ZC4H2: variants seen among roughly 807,000 people sequenced by gnomAD.
ZC4H2 encodes the protein zinc finger C4H2 domain-containing protein.
For synonymous variants in ZC4H2, 84 were observed against 66.3 expected, an observed-to-expected ratio of 1.27 and a Z score of -1.30; for missense variants, 137 against 173.9, an observed-to-expected ratio of 0.79 and a Z score of 1.19.
At chrX:64,975,198 A>G (rs1393344117) in intron 1 of ZC4H2, among the ~76,000 whole-genome samples, 2 of 109,657 alleles carry the variant, frequency 1.8e-5, no homozygotes, top group Non-Finnish European at 3.8e-5. Flanking sequence ...GAATGAGCAA[A>G]AGTAGGTCAA....
intron 1 of ZC4H2, among the ~76,000 whole-genome samples, chrX:64,924,215 G>A (rs760015341): frequency 1.3e-4 from 15 of 111,788 alleles, no homozygotes; most frequent in Non-Finnish European, 7.5e-5. Flanking sequence ...AGAAGCATGC[G>A]CTTTAGACTC....
intron 1 of ZC4H2, among the ~76,000 whole-genome samples, chrX:65,027,592 T>C (rs1932892399): frequency 9.0e-6 from 1 of 111,101 alleles, no homozygotes; most frequent in Non-Finnish European, 1.9e-5. Context: ...AGGTGACCTT[T>C]ATGTTTTTGG....
intron 1 of ZC4H2, among the ~76,000 whole-genome samples, chrX:64,969,106 T>G (rs1317386820): frequency 1.8e-5 from 2 of 112,246 alleles, no homozygotes; most frequent in Non-Finnish European, 3.8e-5. Context: ...TCTCTCCTCT[T>G]AATACCATCA....
intron 1 of ZC4H2, among the ~76,000 whole-genome samples, chrX:65,011,188 A>C (rs770847231): frequency 5.3e-5 from 6 of 112,239 alleles, no homozygotes; most frequent in African/African-American, 1.9e-4. Context: ...GTTCCTCACT[A>C]TAATTCTATG....
At chrX:65,021,754 A>T (rs1450828442) in intron 1 of ZC4H2, among the ~76,000 whole-genome samples, 2 of 111,350 alleles carry the variant, frequency 1.8e-5, no homozygotes, top group African/African-American at 6.6e-5. Context: ...TTTTGAAAAG[A>T]TTAACAAAAT....
intron 1 of ZC4H2, among the ~76,000 whole-genome samples, chrX:65,023,664 T>C (rs1932853795): frequency 9.0e-6 from 1 of 111,626 alleles, no homozygotes; most frequent in Non-Finnish European, 1.9e-5. Flanking sequence ...GGTGGGAGTG[T>C]AAATTGATTC....
intron 1 of ZC4H2, among the ~76,000 whole-genome samples, chrX:64,955,142 G>C (rs1266254789): frequency 9.0e-6 from 1 of 111,681 alleles, no homozygotes; most frequent in African/African-American, 3.2e-5. Context: ...TCCTAAAATA[G>C]TTTATGAACA....
chrX:64,977,203 A>C (rs987561054), upstream of ZC4H2, among the ~76,000 whole-genome samples: 3 of 111,651 alleles, frequency 2.7e-5, no homozygotes, highest in Non-Finnish European at 5.6e-5. Context: ...ATAAGGTGTA[A>C]CCTGTGCAGA....
intron 1 of ZC4H2, among the ~76,000 whole-genome samples, chrX:64,939,815 A>G (rs1039592091): frequency 8.9e-6 from 1 of 111,871 alleles, no homozygotes; most frequent in Non-Finnish European, 1.9e-5. Context: ...ATAACACCTA[A>G]AATCATAAAA....
At chrX:64,940,163 TGAC>T (rs929635985) in intron 1 of ZC4H2, among the ~76,000 whole-genome samples, 5 of 112,331 alleles carry the variant, frequency 4.5e-5, no homozygotes, top group Non-Finnish European at 9.4e-5. Context: ...TGACCAGTGA[TGAC>T]GAGCTTTTCT....
chrX:64,958,424 T>C (rs769207763), intron 1 of ZC4H2, among the ~76,000 whole-genome samples: 2 of 111,910 alleles, frequency 1.8e-5, no homozygotes, highest in Non-Finnish European at 3.8e-5. Context: ...TATGTACATA[T>C]ATGTGTATAT....
At chrX:65,020,093 A>T (rs1932825617) in intron 1 of ZC4H2, among the ~76,000 whole-genome samples, 2 of 112,172 alleles carry the variant, frequency 1.8e-5, no homozygotes, top group Non-Finnish European at 3.8e-5. Context: ...GGAGAATGGA[A>T]CAAAGTTGGA....
chrX:64,938,957 G>T (rs957216850), intron 1 of ZC4H2, among the ~76,000 whole-genome samples: 1 of 112,009 alleles, frequency 8.9e-6, no homozygotes, highest in Non-Finnish European at 1.9e-5. Context: ...GCAAATGAAA[G>T]AAATAAAGGG....
intron 1 of ZC4H2, among the ~76,000 whole-genome samples, chrX:64,930,528 C>A (rs1929692662): frequency 1.8e-5 from 2 of 111,407 alleles, no homozygotes; most frequent in Admixed American, 1.9e-4. Flanking sequence ...CTTTTATTAT[C>A]TTGAGGTATG....
chrX:65,005,168 A>T (rs1932630459), intron 1 of ZC4H2, among the ~76,000 whole-genome samples: 1 of 112,170 alleles, frequency 8.9e-6, no homozygotes, highest in Non-Finnish European at 1.9e-5. Flanking sequence ...GAAGTTATTT[A>T]TAGATTCAAT....
chrX:64,922,695 A>T (rs1315568424), intron 1 of ZC4H2, among the ~76,000 whole-genome samples: 3 of 112,398 alleles, frequency 2.7e-5, no homozygotes, highest in Non-Finnish European at 5.6e-5. Context: ...ACTCTAAGTA[A>T]GCACTGTCCA....
chrX:64,920,330 A>T, intron 2 of ZC4H2, 77 bp from the exon 3 acceptor site: 2 of 1,048,538 alleles, frequency 1.9e-6, no homozygotes, highest in South Asian at 2.3e-5. Flanking sequence ...AGTGAATAAT[A>T]GCACAAGCTC....
rs775168708 is a variant in ZC4H2, at chrX:65,003,353, A to C, written c.-272+31276T>G. Reference sequence around the variant, plus strand: ...TGGGAAAGATCTAAAATCAAACACTAACAACACAATGAAAACAACTAGAAA... The same window carrying C: ...TGGGAAAGATCTAAAATCAAACACTCACAACACAATGAAAACAACTAGAAA... On this transcript the variant is annotated intron_variant, in intron 1 of 4. Coordinates refer to the ZC4H2 transcript ENST00000337990. 1.2e-4 allele frequency among the ~76,000 whole-genome samples: 13 copies of C among 111,852 alleles called. No homozygotes were observed. The South Asian group carries it at 2.6e-3, about 22-fold the overall frequency.
intron 1 of ZC4H2, among the ~76,000 whole-genome samples, chrX:64,992,505 G>C (rs1407486447): frequency 9.0e-6 from 1 of 111,289 alleles, no homozygotes; most frequent in African/African-American, 3.3e-5. Flanking sequence ...CTTGGGTTTG[G>C]GTGATCCCTC....
Sources: gnomAD v4.1 joint callset for allele counts (sites outside exome capture counted in the v4.1 genomes callset) on GRCh38, gnomAD v4.1.1 for gene constraint, MANE v1.5 for transcripts, NCBI Gene and HGNC (gene_info 2026-07-23, HGNC 2026-07-21) for gene names.